KIAA0513: variants seen among roughly 807,000 people sequenced by gnomAD.
KIAA0513 encodes KIAA0513, also known as uncharacterized protein KIAA0513.
In KIAA0513, 39 loss-of-function variants were observed where a neutral mutation model predicts 56.5. The ratio of observed to expected loss-of-function variants is 0.69; its 90% CI spans 0.53 to 0.90. The LOEUF (loss-of-function observed/expected upper bound fraction) is 0.90. Among genes scored for constraint, KIAA0513 ranks in the 40% least tolerant of loss-of-function variants. KIAA0513 has a pLI of 0.00. For synonymous variants in KIAA0513, 268 were observed against 215.6 expected, an observed-to-expected ratio of 1.24 and a Z score of -2.13; for missense variants, 591 against 535.2, an observed-to-expected ratio of 1.10 and a Z score of -1.03.
chr16:85,080,680 G>A (rs139052265), intron 8 of KIAA0513, among the ~76,000 whole-genome samples: 3 of 152,152 alleles, frequency 2.0e-5, no homozygotes, highest in Admixed American at 6.5e-5. Context: ...TATAATCCCA[G>A]CTACTCAGGA....
chr16:85,053,820 C>T (rs1055347328), intron 1 of KIAA0513, among the ~76,000 whole-genome samples: 1 of 151,940 alleles, frequency 6.6e-6, no homozygotes, highest in African/African-American at 2.4e-5. Context: ...GGTGAAACCC[C>T]GTCTCTACTA....
chr16:85,052,277 G>A (rs1400347434), intron 1 of KIAA0513, among the ~76,000 whole-genome samples: 3 of 152,118 alleles, frequency 2.0e-5, no homozygotes, highest in East Asian at 2.0e-4. Context: ...CTGAGATCAC[G>A]CCACTGCACT....
rs1232252780 is a variant in KIAA0513 at position 85,064,926 on chromosome 16, C to CCTCT, written c.-172-1973_-172-1972insTCTC. 9.3e-4 allele frequency among the ~76,000 whole-genome samples: 142 copies of CCTCT among 152,334 alleles called. 1 individual carries two copies. Among genetic ancestry groups the CCTCT allele is most frequent in the Admixed American group, 2.7e-3 (42 of 15,302 alleles). Reference sequence around the variant, plus strand: ...TCTTGAACTCCAGACCTCAGGTGATCCACCCGCGTCAGCCTCCCAAAGTGC... The same window carrying CCTCT: ...TCTTGAACTCCAGACCTCAGGTGATCCTCTCACCCGCGTCAGCCTCCCAAAGTGC... On this transcript the variant is annotated intron_variant, in intron 1 of 12. Transcript: ENST00000683363.
In KIAA0513 at chr16:85,078,443, C is replaced by G. The variant is rs145388961; in HGVS notation, c.811C>G (p.Arg271Gly). The stretch of plus-strand genomic sequence containing the variant: ...AGACGAGAACAAACCCCAGGAGAAG[C>G]GGCCCAGGGCTGGTGAGTCTGCCCA... Reference protein sequence around the residue: ...EEDENKPQEKRPRAVTAYSPE... With the variant: ...EEDENKPQEKGPRAVTAYSPE... Residue 271 changes from arginine (R) to glycine (G), a missense_variant, in exon 7 of 13, where the codon CGG becomes GGG. Coordinates refer to ENST00000683363, the MANE Select transcript of KIAA0513 (RefSeq NM_001388359.1). The G allele has an allele frequency of 6.2e-7, 1 of 1,613,750 alleles. No homozygotes were observed. The highest frequency in any genetic ancestry group is 1.1e-5 in the South Asian group (1 of 91,078).
At chr16:85,039,372 G>A (rs532197846) in intron 1 of KIAA0513, among the ~76,000 whole-genome samples, 31 of 152,250 alleles carry the variant, frequency 2.0e-4, no homozygotes, top group Non-Finnish European at 3.8e-4. Flanking sequence ...GCACGATCAG[G>A]GCTCCCTGCA....
At chr16:85,045,887 G>A (rs1392272209) in intron 1 of KIAA0513, among the ~76,000 whole-genome samples, 1 of 152,150 alleles carries the variant, frequency 6.6e-6, no homozygotes, top group Non-Finnish European at 1.5e-5. Flanking sequence ...CATCTGGCTT[G>A]GACTTTCTGT....
At chr16:85,080,973 G>A (rs2073735311) in intron 8 of KIAA0513, among the ~76,000 whole-genome samples, 1 of 152,142 alleles carries the variant, frequency 6.6e-6, no homozygotes, top group African/African-American at 2.4e-5. Context: ...AACGGGAAAG[G>A]CAGAAGAAGA....
chr16:85,028,598 C>T (rs898082570), intron 1 of KIAA0513, among the ~76,000 whole-genome samples: 2 of 152,114 alleles, frequency 1.3e-5, no homozygotes, highest in Non-Finnish European at 2.9e-5. Flanking sequence ...ATTGAGTGTT[C>T]TGGAGCTGGG....
At chr16:85,041,692 C>T (rs144413695) in intron 1 of KIAA0513, among the ~76,000 whole-genome samples, 1 of 152,266 alleles carries the variant, frequency 6.6e-6, no homozygotes, top group African/African-American at 2.4e-5. Flanking sequence ...CTTCAGCCTC[C>T]GGTGATGAAA....
intron 12 of KIAA0513, 72 bp downstream of exon 12, chr16:85,087,238 C>A (rs974054955): frequency 1.7e-6 from 2 of 1,204,470 alleles, no homozygotes; most frequent in Non-Finnish European, 2.5e-6. Context: ...TGCCCGCTGG[C>A]GCTTCTGCAC....
rs1015591427 is a variant in KIAA0513, at chr16:85,091,394, G to T, written c.*3069G>T. 2.6e-5 allele frequency: 4 copies of T among 152,162 alleles called. No homozygotes were observed. Among genetic ancestry groups the T allele is most frequent in the African/African-American group, 9.7e-5 (4 of 41,404 alleles). 9.4% of individuals were successfully genotyped at this position (152,162 alleles called of 1,614,324 possible). On this transcript the variant is annotated 3_prime_UTR_variant, in exon 13 of 13. Transcript: ENST00000683363. ...ACAGGCCAGAGAACTCAATTCTGAT[G>T]TCGTAAGTTCTCTGTAAGTGAAATG...
intron 1 of KIAA0513, among the ~76,000 whole-genome samples, chr16:85,055,326 G>A (rs903633252): frequency 1.2e-4 from 18 of 152,250 alleles, no homozygotes; most frequent in African/African-American, 4.1e-4. Flanking sequence ...TGAAACAGTG[G>A]TAAGACACAT....
rs550003044 is a variant in KIAA0513, at chr16:85,077,700, G to T, written c.782+68G>T. ...GGAGAGGCTGGTGTGGAGCTCGGAC[G>T]GGGGCAGCAGGGAGGGTGCGGGTGA... On this transcript the variant is annotated intron_variant, in intron 6 of 12. Coordinates refer to ENST00000683363, the MANE Select transcript of KIAA0513 (RefSeq NM_001388359.1). 6.8e-3 allele frequency: 4,225 copies of T among 620,424 alleles called. 17 individuals are homozygous for T. Among genetic ancestry groups the T allele is most frequent in the Middle Eastern group, 0.023 (38 of 1,654 alleles). The allele number at this position is 620,424 out of a possible 1,614,324, so 38.4% of individuals were successfully genotyped here. A position where few individuals can be genotyped will look rare whatever the true frequency, so the allele number is the denominator to read the frequency against.
At chr16:85,036,062 G>A (rs1320368236) in intron 1 of KIAA0513, among the ~76,000 whole-genome samples, 10 of 150,812 alleles carry the variant, frequency 6.6e-5, no homozygotes, top group African/African-American at 4.9e-5. Context: ...CAATCCTACC[G>A]CCTTGGCCTC....
chr16:85,066,636 G>A (rs1338424911), intron 1 of KIAA0513, among the ~76,000 whole-genome samples: 3 of 152,334 alleles, frequency 2.0e-5, no homozygotes, highest in African/African-American at 4.8e-5. Flanking sequence ...TGGGGCTGGA[G>A]CGGGGAGGAG....
chr16:85,057,322 G>T (rs1436840975), intron 1 of KIAA0513, among the ~76,000 whole-genome samples: 1 of 152,168 alleles, frequency 6.6e-6, no homozygotes, highest in African/African-American at 2.4e-5. Context: ...AAATAAATCA[G>T]CAGCAGGGCA....
intron 1 of KIAA0513, among the ~76,000 whole-genome samples, chr16:85,039,162 C>G (rs2073073836): frequency 6.6e-6 from 1 of 152,214 alleles, no homozygotes; most frequent in Non-Finnish European, 1.5e-5. Flanking sequence ...CCTCAATTCT[C>G]CTGCTGCTAT....
At chr16:85,034,537 C>G (rs1445187285) in intron 1 of KIAA0513, among the ~76,000 whole-genome samples, 1 of 152,076 alleles carries the variant, frequency 6.6e-6, no homozygotes. Context: ...TTTTCGTAGT[C>G]TTGTGCCTTA....
chr16:85,083,824 C>G (rs1052036329), intron 10 of KIAA0513, among the ~76,000 whole-genome samples: 1 of 152,342 alleles, frequency 6.6e-6, no homozygotes, highest in Admixed American at 6.5e-5. Flanking sequence ...TCCAAGTCCC[C>G]AGGCAACCTC....
Sources: gnomAD v4.1 joint callset for allele counts (sites outside exome capture counted in the v4.1 genomes callset) on GRCh38, gnomAD v4.1.1 for gene constraint, MANE v1.5 for transcripts, NCBI Gene and HGNC (gene_info 2026-07-23, HGNC 2026-07-21) for gene names.